Variants in CDK5RAP1 observed in about 807,000 individuals in gnomAD.
CDK5RAP1 encodes the protein CDK5RAP1 mitochondrial tRNA methylthiotransferase.
A neutral mutation model predicts 64.5 loss-of-function variants in CDK5RAP1; 62 were observed. The observed-to-expected ratio is 0.96, with a 90% CI of 0.78 to 1.19. CDK5RAP1 has a LOEUF of 1.19. Among genes scored for constraint, CDK5RAP1 ranks in the 50% most tolerant of loss-of-function variants. The pLI is 0.00. For synonymous variants in CDK5RAP1, 250 were observed against 261.9 expected (o/e 0.95, Z 0.44); for missense variants, 657 against 735.0 (o/e 0.89, Z 1.23).
intron 5 of CDK5RAP1, among the ~76,000 whole-genome samples, chr20:33,389,537 G>T (rs1282979746): frequency 6.6e-6 from 1 of 151,096 alleles, no homozygotes; most frequent in African/African-American, 2.4e-5. Flanking sequence ...AGGGAGGGAG[G>T]TGGGGGGGTC....
At position 33,374,117 on chromosome 20, in the gene CDK5RAP1, C is replaced by T; in HGVS notation, c.1203G>A (p.Arg401=). The change falls in exon 9 of 14, where the codon AGG becomes AGA. Residue 401 remains arginine (R), a splice_region_variant and synonymous_variant. Coordinates refer to ENST00000346416, the MANE Select transcript of CDK5RAP1 (RefSeq NM_016408.4). ...GSSRVLEAMR[R]GYSREAYVEL... ...CCCCCTCTCCAAGCAAGCCTGACCC[C>T]CTCCGCATGGCCTCCAACACACGGC... The T allele has an allele frequency of 6.2e-7, 1 of 1,610,992 alleles. No individual in the cohort carries two copies. The highest frequency in any genetic ancestry group is 8.5e-7 in the Non-Finnish European group (1 of 1,177,204).
intron 11 of CDK5RAP1, among the ~76,000 whole-genome samples, chr20:33,367,430 T>C (rs114634052): frequency 0.01 from 1,526 of 152,352 alleles, 18 homozygotes; most frequent in African/African-American, 0.034. Flanking sequence ...TGTGCGGCTG[T>C]TAAACAGAAT....
rs1988953166 is a variant in CDK5RAP1, at chr20:33,396,929, T to A, written c.136A>T (p.Arg46Trp). ...TCCTTCCGAGCTCCATCCTCCTGCC[T>A]CTCTGGACTGGGACACATGGTACTA... ...LSSTMCPSPERQEDGARKDFS... is the reference protein window; with the variant it reads ...LSSTMCPSPEWQEDGARKDFS... The change falls in exon 2 of 14, where the codon AGG becomes TGG. Residue 46 changes from arginine (R) to tryptophan (W), a missense_variant. Transcript: ENST00000346416. 1.4e-5 allele frequency: 22 copies of A among 1,614,016 alleles called. No homozygotes were observed. The highest frequency in any genetic ancestry group is 1.8e-5 in the Non-Finnish European group (21 of 1,180,026).
intron 3 of CDK5RAP1, among the ~76,000 whole-genome samples, chr20:33,394,708 ACG>A (rs1435212298): frequency 6.6e-6 from 1 of 152,014 alleles, no homozygotes. Flanking sequence ...TTTCATAACT[ACG>A]CATTTTCCAT....
chr20:33,392,290 G>A (rs375643849), intron 4 of CDK5RAP1, 48 bp from the exon 5 acceptor site: 132 of 1,200,582 alleles, frequency 1.1e-4, no homozygotes, highest in Non-Finnish European at 1.6e-4. Context: ...AAACCACAGA[G>A]GTATCTAAGA....
chr20:33,380,904 G>A (rs1162207069), intron 7 of CDK5RAP1, among the ~76,000 whole-genome samples: 1 of 152,138 alleles, frequency 6.6e-6, no homozygotes, highest in African/African-American at 2.4e-5. Context: ...GGAGGGTGAG[G>A]CAGGAGAATC....
chr20:33,366,940 T>G lies in CDK5RAP1; in HGVS notation c.1461A>C (p.Glu487Asp). Reference sequence around the variant, plus strand: ...CTTCTTCTCGGAAGATAGTGATGAGTTCCTCCAAACGCCTTAATTTTACCT... The same window carrying G: ...CTTCTTCTCGGAAGATAGTGATGAGGTCCTCCAAACGCCTTAATTTTACCT... ...PEEVKLRRLE[E>D]LITIFREEAT... The change falls in exon 12 of 14, where the codon GAA becomes GAC. Residue 487 changes from glutamate to aspartate, a missense_variant. Glu to Asp is a conservative substitution (Grantham distance 45, BLOSUM62 2). Transcript: ENST00000346416. 6.2e-7 allele frequency: 1 copy of G among 1,613,460 alleles called. No homozygotes were observed. The highest frequency in any genetic ancestry group is 8.5e-7 in the Non-Finnish European group (1 of 1,179,852).
At position 33,387,532 on chromosome 20, in the gene CDK5RAP1, G is replaced by A. The variant is rs1393983398; in HGVS notation, c.546C>T (p.Gly182=). 6.2e-7 allele frequency: 1 copy of A among 1,613,172 alleles called. No homozygotes were observed. ...CCTCCTTCAACCTCTCAGCCATGCA[G>A]CCTGGAAGGGAAAAAGAAACAAGCA... ...SRVPLRIGIL[G]CMAERLKEEI... is the part of the protein sequence containing the mutation. Residue 182 remains glycine (G), a splice_region_variant and synonymous_variant, in exon 6 of 14, where the codon GGC becomes GGT. Transcript: ENST00000346416.
At chr20:33,365,452 A>C (rs1048691162) in intron 12 of CDK5RAP1, among the ~76,000 whole-genome samples, 7 of 151,818 alleles carry the variant, frequency 4.6e-5, no homozygotes, top group African/African-American at 1.7e-4. Flanking sequence ...TTGTATTTTT[A>C]GTAGAGACGG....
intron 11 of CDK5RAP1, 147 bp downstream of exon 11, chr20:33,370,352 T>C (rs1185447680): frequency 5.5e-6 from 4 of 721,676 alleles, no homozygotes; most frequent in East Asian, 2.6e-5. Flanking sequence ...CAGAGTGTAC[T>C]AGAAAAATGA....
intron 1 of CDK5RAP1, among the ~76,000 whole-genome samples, chr20:33,400,750 G>A (rs1331853358): frequency 2.0e-5 from 3 of 152,160 alleles, no homozygotes; most frequent in South Asian, 4.1e-4. Flanking sequence ...GCGGGGCAGG[G>A]GCTACAGTGA....
At chr20:33,391,787 T>G (rs1988355311) in intron 5 of CDK5RAP1, among the ~76,000 whole-genome samples, 1 of 151,130 alleles carries the variant, frequency 6.6e-6, no homozygotes, top group Non-Finnish European at 1.5e-5. Flanking sequence ...GCCATTGCAC[T>G]CCAGCCTGGA....
intron 5 of CDK5RAP1, among the ~76,000 whole-genome samples, chr20:33,389,357 CG>C (rs1568721914): frequency 1.3e-5 from 2 of 151,722 alleles, no homozygotes; most frequent in East Asian, 2.0e-4. Flanking sequence ...GCAGCCGCCC[CG>C]TCTGAGAAGT....
intron 8 of CDK5RAP1, among the ~76,000 whole-genome samples, chr20:33,378,819 C>T (rs1177268541): frequency 6.6e-6 from 1 of 152,178 alleles, no homozygotes; most frequent in Non-Finnish European, 1.5e-5. Context: ...CCCCACACCA[C>T]CATTACCGCC....
intron 5 of CDK5RAP1, among the ~76,000 whole-genome samples, chr20:33,391,760 C>T (rs370322649): frequency 6.6e-6 from 1 of 152,020 alleles, no homozygotes; most frequent in South Asian, 2.1e-4. Flanking sequence ...GCAGAAGTTG[C>T]GGTGAGCCAA....
chr20:33,379,791 A>G (rs1410285344), intron 7 of CDK5RAP1, 100 bp from the exon 8 acceptor site: 1 of 890,564 alleles, frequency 1.1e-6, no homozygotes, highest in Non-Finnish European at 1.7e-6. Flanking sequence ...CTTTTGTTTT[A>G]AACAAAAGAA....
intron 5 of CDK5RAP1, among the ~76,000 whole-genome samples, chr20:33,387,821 C>T (rs1399165446): frequency 2.0e-5 from 3 of 152,108 alleles, no homozygotes; most frequent in Non-Finnish European, 4.4e-5. Flanking sequence ...AATCCCCACA[C>T]TTTGGGGGGC....
chr20:33,368,459 A>ATTTTT (rs35954744), intron 11 of CDK5RAP1, among the ~76,000 whole-genome samples: 31 of 67,602 alleles, frequency 4.6e-4, no homozygotes, highest in Non-Finnish European at 6.1e-4. Flanking sequence ...CTCTCGGCTA[A>ATTTTT]TTTTTTTTTT....
chr20:33,375,327 G>A lies in CDK5RAP1; in HGVS notation c.1108-1115C>T, dbSNP rs145948963. On this transcript the variant is annotated intron_variant, in intron 8 of 13. Coordinates refer to ENST00000346416, the MANE Select transcript of CDK5RAP1 (RefSeq NM_016408.4). ...TGAGGCAGGAGAATCACTTGAACCCGGGAGGCAGAGGTTGCAGTGAGGCCA... is the reference window on the plus strand; with the variant it reads ...TGAGGCAGGAGAATCACTTGAACCCAGGAGGCAGAGGTTGCAGTGAGGCCA... Among the ~76,000 whole-genome samples, 1,101 of 151,102 alleles carry A rather than the reference G, an allele frequency of 7.3e-3. 10 individuals are homozygous for A. The highest frequency in any genetic ancestry group is 0.025 in the African/African-American group (1,040 of 41,160).
Sources: gnomAD v4.1 joint callset for allele counts (sites outside exome capture counted in the v4.1 genomes callset) on GRCh38, gnomAD v4.1.1 for gene constraint, MANE v1.5 for transcripts, NCBI Gene and HGNC (gene_info 2026-07-23, HGNC 2026-07-21) for gene names.